The following TTC28 variants were observed in gnomAD, a reference collection of about 807,000 sequenced individuals.
The protein encoded by TTC28 is tetratricopeptide repeat protein 28.
A neutral mutation model predicts 198.0 loss-of-function variants in TTC28; 61 were observed. That is an observed-to-expected ratio of 0.31 (90% CI 0.25 to 0.38). The LOEUF is 0.38. Among genes scored for constraint, TTC28 ranks in the 10% least tolerant of loss-of-function variants. The pLI is 1.00. For missense variants in TTC28, 2,678 were observed against 3,164.0 expected (o/e 0.85, Z 3.69); for synonymous variants, 1,171 against 1,297.8 (o/e 0.90, Z 2.10).
chr22:28,641,388 T>C (rs1218613023), intron 1 of TTC28, among the ~76,000 whole-genome samples: 1 of 152,026 alleles, frequency 6.6e-6, no homozygotes, highest in East Asian at 1.9e-4. Flanking sequence ...AAAAATATTA[T>C]GTTAAGTGCA....
Position 28,101,184 on chromosome 22 carries a change from T to A in TTC28, c.3404A>T (p.Glu1135Val). 4 of 1,550,628 alleles carry A rather than the reference T, an allele frequency of 2.6e-6. No individual in the cohort carries two copies. The highest frequency in any genetic ancestry group is 3.5e-6 in the Non-Finnish European group (4 of 1,146,574). Residue 1135 changes from glutamate to valine, a missense_variant, in exon 9 of 23, where the codon GAG becomes GTG. By Grantham distance (121) the Glu-to-Val change is moderately radical. This residue lies in a region of TTC28 where 727 missense variants were observed against 861.9 expected (regional missense o/e 0.84). Coordinates refer to ENST00000397906, the MANE Select transcript of TTC28 (RefSeq NM_001145418.2). ...LSLWASGNLE[E>V]AQHQLYRASA... ...GGTTCTGCTTACCTGGTGTTGGGCC[T>A]CCTCCAAGTTTCCACTAGCCCAAAG...
At chr22:28,578,839 T>A (rs534901851) in intron 2 of TTC28, among the ~76,000 whole-genome samples, 2 of 152,166 alleles carry the variant, frequency 1.3e-5, no homozygotes, top group South Asian at 4.2e-4. Context: ...CCAGTGTCCA[T>A]GGAAGAAACA....
At chr22:28,103,381 G>A (rs1481573923) in intron 8 of TTC28, among the ~76,000 whole-genome samples, 2 of 152,224 alleles carry the variant, frequency 1.3e-5, no homozygotes, top group Non-Finnish European at 2.9e-5. Context: ...AAAAGGCTCA[G>A]ACCAGGCCCC....
intron 2 of TTC28, among the ~76,000 whole-genome samples, chr22:28,318,812 CTTTTTTTTTTTTTT>C (rs71316836): frequency 1.5e-4 from 9 of 61,334 alleles, no homozygotes; most frequent in South Asian, 2.1e-3. Context: ...GAAGTGTATT[CTTTTTTTTTTTTTT>C]TTTTTTTTTT....
In TTC28 at chr22:28,663,723, G is replaced by A. The variant is rs1276907157; in HGVS notation, c.102+15899C>T. ...AAGGCGGCAGCCAGGCTGGGGGAGG[G>A]GCGCCCGCCATTGCCCAGGCTTGCT... On this transcript the variant is annotated intron_variant, in intron 1 of 22. Coordinates refer to ENST00000397906, the MANE Select transcript of TTC28 (RefSeq NM_001145418.2). 6.3e-5 allele frequency among the ~76,000 whole-genome samples: 9 copies of A among 142,190 alleles called. No homozygotes were observed. In the South Asian group the frequency reaches 1.6e-3, roughly 25 times the overall value. 93.3% of individuals were successfully genotyped at this position (142,190 alleles called of 152,430 possible). A position where few individuals can be genotyped will look rare whatever the true frequency, so the allele number is the denominator to read the frequency against.
intron 5 of TTC28, among the ~76,000 whole-genome samples, chr22:28,246,990 A>G (rs1164192780): frequency 6.6e-6 from 1 of 152,218 alleles, no homozygotes; most frequent in African/African-American, 2.4e-5. Context: ...CACTAAAGCA[A>G]TGGGAAACTT....
At chr22:28,532,460 C>T (rs1419592484) in intron 2 of TTC28, among the ~76,000 whole-genome samples, 1 of 152,146 alleles carries the variant, frequency 6.6e-6, no homozygotes, top group East Asian at 1.9e-4. Flanking sequence ...AGATTCACAG[C>T]CGAATTCTAC....
intron 2 of TTC28, among the ~76,000 whole-genome samples, chr22:28,395,382 A>T (rs1355793558): frequency 6.6e-6 from 1 of 152,094 alleles, no homozygotes; most frequent in African/African-American, 2.4e-5. Flanking sequence ...TTTCCTTATA[A>T]AACAGCAATA....
At chr22:28,178,380 T>A (rs941198248) in intron 5 of TTC28, among the ~76,000 whole-genome samples, 6 of 150,816 alleles carry the variant, frequency 4.0e-5, no homozygotes, top group Admixed American at 4.0e-4. Flanking sequence ...AGCAGAATAA[T>A]CACTTGAATC....
chr22:28,570,893 C>G (rs1329055696), intron 2 of TTC28, among the ~76,000 whole-genome samples: 2 of 152,122 alleles, frequency 1.3e-5, no homozygotes, highest in South Asian at 2.1e-4. Context: ...CAAGGCACTA[C>G]AGAGGAGTGT....
chr22:28,413,692 T>C (rs1398145160), intron 2 of TTC28, among the ~76,000 whole-genome samples: 1 of 152,092 alleles, frequency 6.6e-6, no homozygotes, highest in Non-Finnish European at 1.5e-5. Flanking sequence ...AAAAATTATT[T>C]AGAATGCTAA....
intron 2 of TTC28, among the ~76,000 whole-genome samples, chr22:28,458,411 T>C (rs1352111759): frequency 2.0e-5 from 3 of 152,204 alleles, no homozygotes; most frequent in Admixed American, 6.5e-5. Context: ...ATGGGTCAAT[T>C]TGAAAAATCC....
At chr22:28,094,851 G>T (rs1432215684) in intron 11 of TTC28, among the ~76,000 whole-genome samples, 1 of 152,188 alleles carries the variant, frequency 6.6e-6, no homozygotes, top group Non-Finnish European at 1.5e-5. Context: ...GCGATAAATA[G>T]GATATATTCT....
At position 28,032,190 on chromosome 22, in the gene TTC28, AAT is replaced by A. The variant is rs1315864224; in HGVS notation, c.3933-1826_3933-1825del. On this transcript the variant is annotated intron_variant, in intron 12 of 22. Coordinates refer to ENST00000397906, the MANE Select transcript of TTC28 (RefSeq NM_001145418.2). Reference sequence around the variant, plus strand: ...TGTGTATATATATATATATATATAAAATATATATATATAAAATATATATATAT... The same window carrying A: ...TGTGTATATATATATATATATATAAAATATATATATAAAATATATATATAT... 6.0e-4 allele frequency among the ~76,000 whole-genome samples: 44 copies of A among 72,990 alleles called. 1 individual carries two copies. Among genetic ancestry groups the A allele is most frequent in the East Asian group, 1.6e-3 (2 of 1,288 alleles). The allele number at this position is 72,990 out of a possible 152,430, so 47.9% of individuals were successfully genotyped here.
chr22:28,484,264 T>C (rs964616026), intron 2 of TTC28, among the ~76,000 whole-genome samples: 4 of 152,040 alleles, frequency 2.6e-5, no homozygotes, highest in African/African-American at 4.8e-5. Flanking sequence ...CATGCTACCA[T>C]GCCAGGCTAA....
chr22:28,093,507 T>C (rs1412444050), intron 12 of TTC28, among the ~76,000 whole-genome samples: 1 of 152,198 alleles, frequency 6.6e-6, no homozygotes, highest in Non-Finnish European at 1.5e-5. Context: ...TTGTGGAAAT[T>C]ATTTTTTTCA....
chr22:27,993,781 C>T (rs1206368580), intron 17 of TTC28, among the ~76,000 whole-genome samples: 11 of 152,150 alleles, frequency 7.2e-5, no homozygotes, highest in Admixed American at 2.6e-4. Flanking sequence ...TAAACCAACC[C>T]CTTCCACACT....
At chr22:28,404,413 G>A (rs13054496) in intron 2 of TTC28, among the ~76,000 whole-genome samples, 4,064 of 152,200 alleles carry the variant, frequency 0.027, 79 homozygotes, top group Non-Finnish European at 0.04. Flanking sequence ...CACCGCGCCC[G>A]GCCTATATGT....
intron 13 of TTC28, among the ~76,000 whole-genome samples, chr22:28,025,915 A>G (rs2146616827): frequency 6.6e-6 from 1 of 152,274 alleles, no homozygotes; most frequent in East Asian, 1.9e-4. Context: ...AGACGCACAC[A>G]CAGCAGGACA....
Sources: allele counts gnomAD v4.1 joint callset (sites outside exome capture counted in the v4.1 genomes callset), GRCh38; gene constraint gnomAD v4.1.1; regional missense constraint gnomAD v4.1.1; transcripts MANE v1.5; gene names NCBI Gene and HGNC (gene_info 2026-07-23, HGNC 2026-07-21).